ZNF91: variants seen among roughly 807,000 people sequenced by gnomAD.
The protein encoded by ZNF91 is zinc finger protein 91 (HPF7, HTF10).
A neutral mutation model predicts 12.6 loss-of-function variants in ZNF91; 7 were observed. That is an observed-to-expected ratio of 0.55 (90% CI 0.31 to 1.04). ZNF91 has a LOEUF of 1.04. Ranked by LOEUF, ZNF91 falls within the 50% of genes least tolerant of loss-of-function variation. ZNF91 has a pLI of 0.05. For missense variants in ZNF91, 1,217 were observed against 1,385.4 expected (o/e 0.88, Z 1.93); for synonymous variants, 453 against 462.6 (o/e 0.98, Z 0.27).
At chr19:23,389,529 TGTG>T (rs983221535) in intron 1 of ZNF91, among the ~76,000 whole-genome samples, 8 of 152,146 alleles carry the variant, frequency 5.3e-5, no homozygotes, top group African/African-American at 1.9e-4. Flanking sequence ...GTGAAAATCT[TGTG>T]GTGGTGGCTG....
At chr19:23,364,276 C>T (rs1309825659) in intron 3 of ZNF91, among the ~76,000 whole-genome samples, 1 of 152,110 alleles carries the variant, frequency 6.6e-6, no homozygotes, top group Non-Finnish European at 1.5e-5. Flanking sequence ...GGAGAAAACC[C>T]CTCTCTACTA....
upstream of ZNF91, among the ~76,000 whole-genome samples, chr19:23,311,757 G>A (rs1239702913): frequency 6.6e-6 from 1 of 152,096 alleles, no homozygotes; most frequent in African/African-American, 2.4e-5. Context: ...TGGCCCCCAC[G>A]TATATTGTGT....
In ZNF91 at chr19:23,360,840, G is replaced by C. The variant is rs193141842; in HGVS notation, c.2139C>G (p.Leu713=). ...CTTTGCCACATTCTTCACATTTGTA[G>C]AGTTTCTCTCCAGCATGTATTATTT... ...KHKIIHAGEK[L]YKCEECGKAF... Residue 713 remains leucine (L), a synonymous_variant, in exon 4 of 4, where the codon CTC becomes CTG. Coordinates refer to ENST00000300619, the MANE Select transcript of ZNF91 (RefSeq NM_003430.4). The C allele has an allele frequency of 1.2e-6, 2 of 1,613,636 alleles. No homozygotes were observed. Among genetic ancestry groups the C allele is most frequent in the Admixed American group, 3.3e-5 (2 of 59,970 alleles).
chr19:23,379,611 T>C (rs1315281127), intron 1 of ZNF91, among the ~76,000 whole-genome samples: 2 of 152,208 alleles, frequency 1.3e-5, no homozygotes, highest in Admixed American at 6.5e-5. Context: ...AGGTCATCCA[T>C]GTATGCTAAT....
chr19:23,330,872 C>T (rs295407), intron 1 of ZNF91, among the ~76,000 whole-genome samples: 44,441 of 152,078 alleles, frequency 0.29, 6,853 homozygotes, highest in East Asian at 0.39. Context: ...CAAGCGTATG[C>T]ATGCATTTAG....
chr19:23,311,675 C>T (rs1478778228), upstream of ZNF91, among the ~76,000 whole-genome samples: 2 of 152,168 alleles, frequency 1.3e-5, no homozygotes, highest in Non-Finnish European at 2.9e-5. Context: ...TTGGCCTGCA[C>T]CCTGTGCACA....
rs1442620835 is a variant in ZNF91 at position 23,384,854 on chromosome 19, T to C, written c.31-10090A>G. The C allele has an allele frequency of 5.5e-6, 4 of 733,520 alleles. No individual in the cohort carries two copies. In the Admixed American group the frequency reaches 7.1e-5, roughly 13 times the overall value. The allele number at this position is 733,520 out of a possible 1,614,324, so 45.4% of individuals were successfully genotyped here. On this transcript the variant is annotated intron_variant, in intron 1 of 3. Transcript: ENST00000300619. ...TCAGTGGTCAAAAATACCATCTCCC[T>C]CACGATCACTGGAGGGTCCCAAGCT...
At chr19:23,310,445 G>C (rs1472662581) in intron 1 of ZNF91, 1 of 152,212 alleles carries the variant, frequency 6.6e-6, no homozygotes, top group Non-Finnish European at 1.5e-5. Context: ...AGGGAACACA[G>C]TACACAGAAA....
intron 1 of ZNF91, among the ~76,000 whole-genome samples, chr19:23,393,088 T>A (rs1325889218): frequency 6.6e-6 from 1 of 151,886 alleles, no homozygotes; most frequent in Non-Finnish European, 1.5e-5. Context: ...GAGTGCTGGG[T>A]ATTTTTTTTC....
At chr19:23,379,557 C>A (rs1021785834) in intron 1 of ZNF91, among the ~76,000 whole-genome samples, 13 of 152,136 alleles carry the variant, frequency 8.5e-5, no homozygotes, top group Non-Finnish European at 1.9e-4. Context: ...ATTTACAGCG[C>A]CATGTCATAG....
chr19:23,310,089 C>T (rs1967449652), intron 1 of ZNF91, among the ~76,000 whole-genome samples: 1 of 152,156 alleles, frequency 6.6e-6, no homozygotes, highest in South Asian at 2.1e-4. Context: ...AAGATGTCGA[C>T]TGTCATACCT....
upstream of ZNF91, chr19:23,310,720 C>G (rs894735771): frequency 5.3e-5 from 8 of 152,054 alleles, no homozygotes; most frequent in Non-Finnish European, 1.0e-4. Context: ...TGACTCTACT[C>G]TTTCCTTGAC....
At chr19:23,393,869 G>A (rs950885658) in intron 1 of ZNF91, among the ~76,000 whole-genome samples, 3 of 152,002 alleles carry the variant, frequency 2.0e-5, no homozygotes, top group Admixed American at 1.3e-4. Flanking sequence ...ACGTGGTCGT[G>A]GGCACCTGTA....
upstream of ZNF91, among the ~76,000 whole-genome samples, chr19:23,312,603 A>G (rs1249254735): frequency 1.3e-5 from 2 of 152,200 alleles, no homozygotes; most frequent in South Asian, 2.1e-4. Context: ...ACTATCATAC[A>G]TAAACATGTA....
chr19:23,356,389 C>CAT (rs371569188), downstream of ZNF91, among the ~76,000 whole-genome samples: 6 of 151,874 alleles, frequency 4.0e-5, no homozygotes, highest in South Asian at 2.1e-4. Context: ...CACACACATA[C>CAT]ATATATATAT....
chr19:23,325,388 T>C (rs1967816540), intron 1 of ZNF91: 1 of 152,118 alleles, frequency 6.6e-6, no homozygotes, highest in Non-Finnish European at 1.5e-5. Flanking sequence ...TGTGGTCCCA[T>C]ACCTGGGCGT....
At chr19:23,388,437 A>G (rs1412840238) in intron 1 of ZNF91, among the ~76,000 whole-genome samples, 1 of 152,226 alleles carries the variant, frequency 6.6e-6, no homozygotes, top group Non-Finnish European at 1.5e-5. Context: ...AAGCAAAACA[A>G]CAAAACTGAA....
At chr19:23,386,552 T>C (rs2145131074) in intron 1 of ZNF91, among the ~76,000 whole-genome samples, 1 of 152,258 alleles carries the variant, frequency 6.6e-6, no homozygotes, top group East Asian at 1.9e-4. Flanking sequence ...AATAGAAATG[T>C]GGAAAGAATT....
At chr19:23,385,739 C>G (rs1322065673) in intron 1 of ZNF91, among the ~76,000 whole-genome samples, 2 of 152,136 alleles carry the variant, frequency 1.3e-5, no homozygotes, top group African/African-American at 2.4e-5. Flanking sequence ...CTATATATTG[C>G]TTGGGCTCAC....
Sources: gnomAD v4.1 joint callset for allele counts (sites outside exome capture counted in the v4.1 genomes callset) on GRCh38, gnomAD v4.1.1 for gene constraint, MANE v1.5 for transcripts, NCBI Gene and HGNC (gene_info 2026-07-23, HGNC 2026-07-21) for gene names.